SERINC2: variants seen among roughly 807,000 people sequenced by gnomAD.
SERINC2 encodes tumor differentially expressed protein 2.
A neutral mutation model predicts 54.2 loss-of-function variants in SERINC2; 56 were observed. The ratio of observed to expected loss-of-function variants is 1.03; its 90% CI spans 0.83 to 1.29. The LOEUF is 1.29. SERINC2 is among the 50% of genes most tolerant of loss of function. SERINC2 has a pLI of 0.00. For synonymous variants in SERINC2, 272 were observed against 253.1 expected (o/e 1.07, Z -0.71); for missense variants, 614 against 607.4 (o/e 1.01, Z -0.12).
Position 31,425,617 on chromosome 1 carries a change from G to A in SERINC2, c.473-159G>A, listed in dbSNP as rs1479593405. Among the ~76,000 whole-genome samples the A allele has an allele frequency of 3.9e-5, 6 of 152,212 alleles. No individual in the cohort carries two copies. The South Asian group carries it at 8.3e-4, about 21-fold the overall frequency. On this transcript the variant is annotated intron_variant, in intron 4 of 9. Transcript: ENST00000373709. Reference sequence around the variant, plus strand: ...GGGGTAGGGGGAGCTGTCTTGCCCCGACCCATATCCTGCCCTCTGTGCGTA... The same window carrying A: ...GGGGTAGGGGGAGCTGTCTTGCCCCAACCCATATCCTGCCCTCTGTGCGTA...
At chr1:31,432,656 G>A (rs965070343) in intron 8 of SERINC2, among the ~76,000 whole-genome samples, 4 of 152,128 alleles carry the variant, frequency 2.6e-5, no homozygotes, top group Admixed American at 2.6e-4. Context: ...TTTATATTCT[G>A]TGCCAAGCAC....
chr1:31,427,824 C>CT (rs71035099), intron 6 of SERINC2, among the ~76,000 whole-genome samples: 51 of 76,522 alleles, frequency 6.7e-4, no homozygotes, highest in African/African-American at 2.0e-3. Flanking sequence ...TTCTTTCTTT[C>CT]TTTTTTTTTT....
intron 1 of SERINC2, among the ~76,000 whole-genome samples, chr1:31,422,180 T>A (rs1305576076): frequency 6.6e-6 from 1 of 151,240 alleles, no homozygotes; most frequent in Non-Finnish European, 1.5e-5. Context: ...GTGCTTGTAG[T>A]CCCAGCTACT....
intron 8 of SERINC2, among the ~76,000 whole-genome samples, chr1:31,431,357 G>C (rs1470081557): frequency 6.6e-6 from 1 of 151,064 alleles, no homozygotes; most frequent in African/African-American, 2.4e-5. Context: ...TGAACTCCTG[G>C]CCCAAGCAAT....
chr1:31,414,556 C>T, intron 1 of SERINC2: 1 of 987,910 alleles, frequency 1.0e-6, no homozygotes, highest in Non-Finnish European at 1.2e-6. Flanking sequence ...ATAGACAGCA[C>T]AGAGAGGCAA....
At chr1:31,433,501 G>C (rs1305926307) in intron 9 of SERINC2, among the ~76,000 whole-genome samples, 1 of 152,260 alleles carries the variant, frequency 6.6e-6, no homozygotes, top group East Asian at 1.9e-4. Context: ...CATGGTTGGA[G>C]GGTTAGGATC....
intron 1 of SERINC2, chr1:31,415,840 A>G (rs1640768331): frequency 5.1e-6 from 5 of 985,192 alleles, no homozygotes; most frequent in Non-Finnish European, 6.0e-6. Flanking sequence ...GTATCCTCCC[A>G]GGTGTGACTC....
rs1421279427 is a variant in SERINC2 at position 31,434,624 on chromosome 1, G to A, written c.*425G>A. 4 of 204,242 alleles carry A rather than the reference G, an allele frequency of 2.0e-5. No individual in the cohort carries two copies. Among genetic ancestry groups the A allele is most frequent in the African/African-American group, 2.3e-5 (1 of 43,470 alleles). The allele number at this position is 204,242 out of a possible 1,614,324, so 12.7% of individuals were successfully genotyped here. A position where few individuals can be genotyped will look rare whatever the true frequency, so the allele number is the denominator to read the frequency against. On this transcript the variant is annotated 3_prime_UTR_variant, in exon 10 of 10. Coordinates refer to ENST00000373709, the MANE Select transcript of SERINC2 (RefSeq NM_178865.5). ...GGACCCTGCCCACTTCCTGGACTTC[G>A]TGCCTTACTGAGTCTCTAAGACTTT... is the stretch of plus-strand genomic sequence containing the variant.
chr1:31,431,283 C>T (rs1379304600), intron 8 of SERINC2, among the ~76,000 whole-genome samples: 1 of 147,482 alleles, frequency 6.8e-6, no homozygotes, highest in African/African-American at 2.5e-5. Context: ...TACCACCATG[C>T]CTGGCTACTT....
chr1:31,411,570 A>G (rs2148508097), upstream of SERINC2, among the ~76,000 whole-genome samples: 1 of 152,138 alleles, frequency 6.6e-6, no homozygotes, highest in South Asian at 2.1e-4. Context: ...GCTTGGGGGA[A>G]TCAGGAGGAT....
At chr1:31,430,193 CT>C (rs1641158623) in intron 8 of SERINC2, among the ~76,000 whole-genome samples, 1 of 152,024 alleles carries the variant, frequency 6.6e-6, no homozygotes, top group African/African-American at 2.4e-5. Flanking sequence ...TGTTGAAGGG[CT>C]ATAGATGAAT....
At position 31,434,093 on chromosome 1, in the gene SERINC2, C is replaced by G. The variant is rs781876384; in HGVS notation, c.1262C>G (p.Thr421Arg). The G allele has an allele frequency of 3.7e-6, 6 of 1,613,870 alleles. No homozygotes were observed. Among genetic ancestry groups the G allele is most frequent in the Non-Finnish European group, 5.1e-6 (6 of 1,179,970 alleles). Residue 421 changes from threonine to arginine, a missense_variant, in exon 10 of 10, where the codon ACG becomes AGG. Transcript: ENST00000373709. The part of the protein sequence containing the change: ...KPGETRKMIS[T>R]WTAVWVKICA... ...GGTGAGACCCGGAAGATGATCAGCACGTGGACCGCCGTGTGGGTGAAGATC... is the reference window on the plus strand; with the variant it reads ...GGTGAGACCCGGAAGATGATCAGCAGGTGGACCGCCGTGTGGGTGAAGATC...
At chr1:31,410,162 G>C, upstream of SERINC2, 1 of 1,432,390 alleles carries the variant, frequency 7.0e-7, no homozygotes, top group Non-Finnish European at 9.1e-7. Flanking sequence ...CAGAGTGGTT[G>C]GGTGACTTGC....
intron 1 of SERINC2, among the ~76,000 whole-genome samples, chr1:31,420,427 T>C (rs1640877945): frequency 6.6e-6 from 1 of 152,176 alleles, no homozygotes; most frequent in Non-Finnish European, 1.5e-5. Context: ...AAATTGAAAT[T>C]AAATGGTAAC....
At chr1:31,432,486 T>C (rs1641334732) in intron 8 of SERINC2, among the ~76,000 whole-genome samples, 1 of 152,054 alleles carries the variant, frequency 6.6e-6, no homozygotes, top group African/African-American at 2.4e-5. Context: ...CTGACACTAA[T>C]AAAATGGAAA....
intron 6 of SERINC2, among the ~76,000 whole-genome samples, chr1:31,428,460 T>C (rs1327606263): frequency 6.6e-6 from 1 of 152,128 alleles, no homozygotes; most frequent in African/African-American, 2.4e-5. Context: ...AATATTGCAA[T>C]GTGGAACATG....
At chr1:31,430,025 C>G (rs568815193) in intron 8 of SERINC2, among the ~76,000 whole-genome samples, 1 of 152,198 alleles carries the variant, frequency 6.6e-6, no homozygotes, top group African/African-American at 2.4e-5. Context: ...AAAGGGGCAT[C>G]TTAGTAGGTG....
chr1:31,421,852 C>T lies in SERINC2; in HGVS notation c.40-1841C>T, dbSNP rs1640908493. ...ATACTCACCGCTGACTGTCTGCTCA[C>T]CAAGCTTTGGCCACGAGGGCCTTCT... On this transcript the variant is annotated intron_variant, in intron 1 of 9. Coordinates refer to ENST00000373709, the MANE Select transcript of SERINC2 (RefSeq NM_178865.5). Among the ~76,000 whole-genome samples, 3 of 152,230 alleles carry T rather than the reference C, an allele frequency of 2.0e-5. No homozygotes were observed. The South Asian group carries it at 6.2e-4, about 32-fold the overall frequency.
intron 8 of SERINC2, among the ~76,000 whole-genome samples, chr1:31,430,498 T>TAA (rs542301970): frequency 7.4e-6 from 1 of 135,002 alleles, no homozygotes; most frequent in African/African-American, 2.7e-5. Context: ...ATGGTGTCTC[T>TAA]AAAAAAAAAA....
Sources: gnomAD v4.1 joint callset for allele counts (sites outside exome capture counted in the v4.1 genomes callset) on GRCh38, gnomAD v4.1.1 for gene constraint, MANE v1.5 for transcripts, NCBI Gene and HGNC (gene_info 2026-07-23, HGNC 2026-07-21) for gene names.